EVC2: variants seen among roughly 807,000 people sequenced by gnomAD.
The protein encoded by EVC2 is EvC ciliary complex subunit 2.
EVC2 carries 148 observed loss-of-function variants against 149.3 expected under a neutral mutation model. That is an observed-to-expected ratio of 0.99 (90% CI 0.87 to 1.14). The LOEUF (loss-of-function observed/expected upper bound fraction) is 1.14, where lower values mean the gene tolerates loss of function less well. Among genes scored for constraint, EVC2 ranks in the 50% most tolerant of loss-of-function variants. The pLI, the probability that EVC2 is intolerant of heterozygous loss-of-function variation, is 0.00. For missense variants in EVC2, 1,854 were observed against 1,627.3 expected (o/e 1.14, Z -2.40); for synonymous variants, 776 against 649.9 (o/e 1.19, Z -2.95).
chr4:5,631,844 T>C lies in EVC2; in HGVS notation c.1659A>G (p.Glu553=). ...GCATTTTAGCTGCCTCTGGTTTCAA[T>C]TCCCCTTTGAAAATAGCACTTTTTA... ...TQIKSAIFKG[E]LKPEAAKMLL... Residue 553 remains glutamate (E), a synonymous_variant, in exon 11 of 22, where the codon GAA becomes GAG. Coordinates refer to ENST00000344408, the MANE Select transcript of EVC2 (RefSeq NM_147127.5). 6.2e-7 allele frequency: 1 copy of C among 1,614,224 alleles called. No individual in the cohort carries two copies. The highest frequency in any genetic ancestry group is 8.5e-7 in the Non-Finnish European group (1 of 1,180,002).
chr4:5,606,768 C>T (rs768376595), intron 16 of EVC2, among the ~76,000 whole-genome samples: 2 of 152,108 alleles, frequency 1.3e-5, no homozygotes, highest in Non-Finnish European at 2.9e-5. Flanking sequence ...AATTGGGAGG[C>T]TACAAAGTTG....
At chr4:5,604,806 A>C (rs1018258690) in intron 16 of EVC2, among the ~76,000 whole-genome samples, 5 of 152,096 alleles carry the variant, frequency 3.3e-5, no homozygotes, top group African/African-American at 1.2e-4. Context: ...ATTACCATGC[A>C]TCCCATAAAT....
chr4:5,569,656 T>G lies in EVC2; in HGVS notation c.3361-1016A>C, dbSNP rs1161391889. On this transcript the variant is annotated intron_variant, in intron 19 of 21. Coordinates refer to ENST00000344408, the MANE Select transcript of EVC2 (RefSeq NM_147127.5). The surrounding 1 kb of genome is among the most constrained non-coding windows in gnomAD (Gnocchi z 4.8). ...GGGCCTGTGCAGGGGCAGGCAGGGGTGGGAGGGAACAAGTCCAGGTGCCGG... is the reference window on the plus strand; with the variant it reads ...GGGCCTGTGCAGGGGCAGGCAGGGGGGGGAGGGAACAAGTCCAGGTGCCGG... Among the ~76,000 whole-genome samples, 1 of 148,846 alleles carries G rather than the reference T, an allele frequency of 6.7e-6. No individual in the cohort carries two copies. The highest frequency in any genetic ancestry group is 2.2e-4 in the South Asian group (1 of 4,586).
At chr4:5,652,038 G>A (rs1718180474) in intron 9 of EVC2, among the ~76,000 whole-genome samples, 1 of 152,228 alleles carries the variant, frequency 6.6e-6, no homozygotes, top group Non-Finnish European at 1.5e-5. Context: ...AGTTTTACCA[G>A]GGAACAGGGG....
chr4:5,581,988 G>A (rs1215392168), intron 17 of EVC2, among the ~76,000 whole-genome samples: 9 of 152,230 alleles, frequency 5.9e-5, no homozygotes, highest in African/African-American at 2.2e-4. Flanking sequence ...TGGGTCTTGG[G>A]AGCCTCCGCC....
intron 10 of EVC2, among the ~76,000 whole-genome samples, chr4:5,635,847 G>A (rs558832260): frequency 4.6e-5 from 7 of 152,216 alleles, no homozygotes; most frequent in Non-Finnish European, 8.8e-5. Flanking sequence ...TATAGAAGAC[G>A]AACCCCAGAG....
intron 17 of EVC2, among the ~76,000 whole-genome samples, chr4:5,583,150 G>A (rs1048949940): frequency 7.2e-5 from 11 of 152,142 alleles, no homozygotes; most frequent in Admixed American, 5.9e-4. Context: ...TGTTAATCAG[G>A]TGAATTTTGT....
chr4:5,632,839 C>G (rs182341993), intron 10 of EVC2, among the ~76,000 whole-genome samples: 1 of 152,230 alleles, frequency 6.6e-6, no homozygotes, highest in African/African-American at 2.4e-5. Context: ...GGGAGCTGTT[C>G]TTCACTCCAC....
At chr4:5,629,221 T>C (rs1399503187) in intron 11 of EVC2, among the ~76,000 whole-genome samples, 1 of 152,206 alleles carries the variant, frequency 6.6e-6, no homozygotes, top group African/African-American at 2.4e-5. Context: ...GAACAAAACG[T>C]AACCAAACAC....
chr4:5,584,846 C>G lies in EVC2; in HGVS notation c.2834G>C (p.Arg945Pro). 6.2e-7 allele frequency: 1 copy of G among 1,614,146 alleles called. No homozygotes were observed. Among genetic ancestry groups the G allele is most frequent in the South Asian group, 1.1e-5 (1 of 91,080 alleles). ...QASEDLVEKV[R>P]GELLRERVQR... Reference sequence around the variant, plus strand: ...CACTCTCTCCCGCAGCAATTCACCTCGAACCTGGGAGGGGACAGGGATGGA... The same window carrying G: ...CACTCTCTCCCGCAGCAATTCACCTGGAACCTGGGAGGGGACAGGGATGGA... Residue 945 changes from arginine to proline, a missense_variant, in exon 17 of 22, where the codon CGA becomes CCA. Arg to Pro is a moderately radical substitution (Grantham distance 103). Transcript: ENST00000344408.
At chr4:5,699,325 T>C (rs984628665) in intron 1 of EVC2, among the ~76,000 whole-genome samples, 1 of 152,230 alleles carries the variant, frequency 6.6e-6, no homozygotes, top group Non-Finnish European at 1.5e-5. Context: ...TGTTATGTTA[T>C]GGGCAGCGTA....
intron 16 of EVC2, among the ~76,000 whole-genome samples, chr4:5,592,245 G>C (rs564736376): frequency 6.6e-6 from 1 of 152,172 alleles, no homozygotes; most frequent in African/African-American, 2.4e-5. Context: ...AAACAGATAA[G>C]AGGGGCTTCC....
At chr4:5,604,504 T>A (rs1192657671) in intron 16 of EVC2, among the ~76,000 whole-genome samples, 1 of 152,050 alleles carries the variant, frequency 6.6e-6, no homozygotes, top group Non-Finnish European at 1.5e-5. Context: ...AAAGAACGGA[T>A]CTCATGGAGG....
intron 12 of EVC2, 107 bp from the exon 13 acceptor site, chr4:5,626,015 G>C: frequency 7.2e-7 from 1 of 1,385,532 alleles, no homozygotes; most frequent in Non-Finnish European, 1.0e-6. Context: ...GTTTGAATCA[G>C]AAAATCTTTA....
intron 16 of EVC2, among the ~76,000 whole-genome samples, chr4:5,588,892 G>C (rs780152120): frequency 1.0e-3 from 152 of 152,308 alleles, no homozygotes; most frequent in African/African-American, 3.4e-3. Context: ...CCCTTGAGCA[G>C]TACAATATAA....
intron 16 of EVC2, among the ~76,000 whole-genome samples, chr4:5,605,609 G>A (rs1167768754): frequency 5.3e-5 from 8 of 152,216 alleles, no homozygotes; most frequent in African/African-American, 1.9e-4. Context: ...CTACTTTGTG[G>A]AATCGCTCAG....
rs73198155 is a variant in EVC2, at chr4:5,623,072, A to G, written c.2047-81T>C. ...TTGGCTGAAACACTTTGTTGCAGGA[A>G]GCACAGAATGTTTATAGCCTTTTCC... On this transcript the variant is annotated intron_variant, in intron 13 of 21. Transcript: ENST00000344408. 0.011 allele frequency: 14,248 copies of G among 1,309,850 alleles called. 317 individuals carry two copies. Among genetic ancestry groups the G allele is most frequent in the African/African-American group, 0.089 (5,974 of 67,146 alleles). The allele number at this position is 1,309,850 out of a possible 1,614,324, so 81.1% of individuals were successfully genotyped here.
At chr4:5,682,537 CA>C (rs1387634039) in intron 6 of EVC2, among the ~76,000 whole-genome samples, 1 of 150,230 alleles carries the variant, frequency 6.7e-6, no homozygotes, top group Non-Finnish European at 1.5e-5. Context: ...AAAGCAATAG[CA>C]ATAGTAGTAG....
In EVC2 at chr4:5,640,149, G is replaced by T. The variant is rs571327925; in HGVS notation, c.1470+365C>A. 1.3e-5 allele frequency among the ~76,000 whole-genome samples: 2 copies of T among 152,186 alleles called. No homozygotes were observed. The highest frequency in any genetic ancestry group is 3.9e-4 in the East Asian group (2 of 5,164). On this transcript the variant is annotated intron_variant, in intron 10 of 21. Transcript: ENST00000344408. This position sits in a 1 kb window ranked among gnomAD's most constrained non-coding sequence, Gnocchi z 4.6. ...TGGATGGGTAAATTGTTGGATGGGT[G>T]ATGGGTGGCATGGATGGGAGGGTGG...
Sources: allele counts gnomAD v4.1 joint callset (sites outside exome capture counted in the v4.1 genomes callset), GRCh38; gene constraint gnomAD v4.1.1; non-coding constraint Gnocchi (gnomAD v3.1); transcripts MANE v1.5; gene names NCBI Gene and HGNC (gene_info 2026-07-23, HGNC 2026-07-21).